The following ZC3H3 variants were observed in gnomAD, a reference collection of about 807,000 sequenced individuals.
The protein encoded by ZC3H3 is zinc finger CCCH domain-containing protein 3.
In ZC3H3, 36 loss-of-function variants were observed where a neutral mutation model predicts 77.3. The observed-to-expected ratio is 0.47, with a 90% CI of 0.36 to 0.61. ZC3H3 has a LOEUF of 0.61. Among genes scored for constraint, ZC3H3 ranks in the 20% least tolerant of loss-of-function variants. The pLI, the probability that ZC3H3 is intolerant of heterozygous loss-of-function variation, is 0.00. For missense variants in ZC3H3, 1,331 were observed against 1,312.2 expected (o/e 1.01, Z -0.22); for synonymous variants, 626 against 555.2 (o/e 1.13, Z -1.79).
intron 4 of ZC3H3, among the ~76,000 whole-genome samples, chr8:143,485,888 G>A (rs745582717): frequency 9.2e-5 from 14 of 152,250 alleles, no homozygotes; most frequent in Non-Finnish European, 1.6e-4. Flanking sequence ...CGGGATGGGC[G>A]TGAGGCCCCA....
intron 4 of ZC3H3, among the ~76,000 whole-genome samples, chr8:143,479,584 C>T (rs1264674442): frequency 2.6e-5 from 4 of 152,196 alleles, no homozygotes; most frequent in African/African-American, 4.8e-5. Context: ...GGAACAGTGC[C>T]TTAAGATAGT....
At chr8:143,447,395 A>G (rs189656426) in intron 9 of ZC3H3, among the ~76,000 whole-genome samples, 1 of 152,374 alleles carries the variant, frequency 6.6e-6, no homozygotes, top group East Asian at 1.9e-4. Context: ...GCTCCTCTGC[A>G]TTCCAAAATC....
chr8:143,454,137 A>C (rs1486633797), intron 9 of ZC3H3, among the ~76,000 whole-genome samples: 2 of 149,432 alleles, frequency 1.3e-5, no homozygotes, highest in Non-Finnish European at 3.0e-5. Context: ...GCTGGAGTGC[A>C]GTGGTGTGAT....
intron 3 of ZC3H3, among the ~76,000 whole-genome samples, chr8:143,517,828 G>A (rs891108590): frequency 3.3e-5 from 5 of 152,146 alleles, no homozygotes; most frequent in South Asian, 2.1e-4. Context: ...CTCCCTCCCC[G>A]AATCTCCAGG....
intron 5 of ZC3H3, among the ~76,000 whole-genome samples, chr8:143,472,637 G>A (rs1028370487): frequency 6.6e-6 from 1 of 152,208 alleles, no homozygotes; most frequent in African/African-American, 2.4e-5. Context: ...GGACACTGAG[G>A]GATGGGAGAG....
chr8:143,496,390 G>C (rs1347106102), intron 4 of ZC3H3, among the ~76,000 whole-genome samples: 1 of 152,232 alleles, frequency 6.6e-6, no homozygotes, highest in Non-Finnish European at 1.5e-5. Flanking sequence ...TGAGCCTGGA[G>C]CACCTGCCGT....
At chr8:143,531,206 G>A (rs570383661) in intron 3 of ZC3H3, among the ~76,000 whole-genome samples, 17 of 152,052 alleles carry the variant, frequency 1.1e-4, no homozygotes, top group Admixed American at 3.9e-4. Flanking sequence ...GTAATCACCC[G>A]CCTCAGCCTC....
At chr8:143,477,761 C>T (rs1263314802) in intron 4 of ZC3H3, among the ~76,000 whole-genome samples, 3 of 152,218 alleles carry the variant, frequency 2.0e-5, no homozygotes, top group Non-Finnish European at 4.4e-5. Flanking sequence ...GGGCCCTGCA[C>T]CAGCCCCACA....
At chr8:143,526,537 G>A (rs373191783) in intron 3 of ZC3H3, among the ~76,000 whole-genome samples, 44 of 152,300 alleles carry the variant, frequency 2.9e-4, no homozygotes, top group African/African-American at 1.0e-3. Context: ...GTTCCCAGAC[G>A]ATGCCCAAGT....
intron 4 of ZC3H3, among the ~76,000 whole-genome samples, chr8:143,485,422 T>C (rs1051248431): frequency 1.3e-5 from 2 of 152,246 alleles, no homozygotes; most frequent in African/African-American, 2.4e-5. Context: ...CCCATACATC[T>C]GCTCACCCGA....
At chr8:143,500,818 A>ACT (rs112313717) in intron 4 of ZC3H3, among the ~76,000 whole-genome samples, 1 of 141,106 alleles carries the variant, frequency 7.1e-6, no homozygotes, top group Non-Finnish European at 1.5e-5. Flanking sequence ...CACAATGTCT[A>ACT]TTTTTTTTTT....
In ZC3H3 at chr8:143,539,076, C is replaced by A; in HGVS notation, c.291G>T (p.Gly97=). The A allele has an allele frequency of 1.9e-6, 3 of 1,612,982 alleles. No individual in the cohort carries two copies. In the South Asian group the frequency reaches 3.3e-5, roughly 18 times the overall value. ...PADHAVRPLH[G]ARGGQPPVPQ... is the part of the protein sequence containing the mutation. ...GGACAGGAGGCTGGCCCCCCCGGGC[C>A]CCGTGCAACGGCCGCACAGCATGGT... Residue 97 remains glycine, a synonymous_variant, in exon 2 of 12, where the codon GGG becomes GGT. Transcript: ENST00000262577.
rs943919857 is a variant in ZC3H3 at position 143,486,810 on chromosome 8, C to T, written c.1716-11225G>A. Among the ~76,000 whole-genome samples the T allele has an allele frequency of 2.0e-3, 290 of 142,322 alleles. 1 individual carries two copies. Among genetic ancestry groups the T allele is most frequent in the Admixed American group, 0.02 (268 of 13,680 alleles). 93.4% of individuals were successfully genotyped at this position (142,322 alleles called of 152,430 possible). A position where few individuals can be genotyped will look rare whatever the true frequency, so the allele number is the denominator to read the frequency against. On this transcript the variant is annotated intron_variant, in intron 4 of 11. Coordinates refer to ENST00000262577, the MANE Select transcript of ZC3H3 (RefSeq NM_015117.3). Reference sequence around the variant, plus strand: ...CAGCACCCGCTACACGACCCCATCACCACGAAGCTCAGACACAGAACAGCA... The same window carrying T: ...CAGCACCCGCTACACGACCCCATCATCACGAAGCTCAGACACAGAACAGCA...
intron 4 of ZC3H3, among the ~76,000 whole-genome samples, chr8:143,498,304 G>A (rs973512377): frequency 7.9e-5 from 12 of 152,196 alleles, no homozygotes; most frequent in African/African-American, 2.4e-4. Flanking sequence ...GTCAGGCCGC[G>A]TTCTCCCAGA....
chr8:143,474,110 C>T (rs1442666314), intron 5 of ZC3H3, among the ~76,000 whole-genome samples: 2 of 152,194 alleles, frequency 1.3e-5, no homozygotes, highest in African/African-American at 4.8e-5. Context: ...CTGCACTGAG[C>T]ACCCGGGGTG....
intron 3 of ZC3H3, among the ~76,000 whole-genome samples, chr8:143,524,955 G>A (rs973032110): frequency 1.2e-4 from 15 of 128,696 alleles, no homozygotes; most frequent in East Asian, 2.5e-4. Context: ...GCTGATCTCC[G>A]AGACCAGGGC....
At chr8:143,446,856 GAA>G (rs1819873869) in intron 9 of ZC3H3, among the ~76,000 whole-genome samples, 12 of 152,244 alleles carry the variant, frequency 7.9e-5, no homozygotes, top group Admixed American at 7.8e-4. Context: ...CGCAACCGGA[GAA>G]CTGTCTTCAG....
intron 4 of ZC3H3, among the ~76,000 whole-genome samples, chr8:143,481,062 G>A (rs926971264): frequency 4.6e-5 from 7 of 152,326 alleles, no homozygotes; most frequent in African/African-American, 1.7e-4. Context: ...GACACATGCT[G>A]CCCAGGACAC....
chr8:143,481,189 G>A (rs901220150), intron 4 of ZC3H3, among the ~76,000 whole-genome samples: 1 of 152,148 alleles, frequency 6.6e-6, no homozygotes, highest in Non-Finnish European at 1.5e-5. Flanking sequence ...GGGCCTCTCC[G>A]GAGCACCTCC....
Sources: gnomAD v4.1 joint callset for allele counts (sites outside exome capture counted in the v4.1 genomes callset) on GRCh38, gnomAD v4.1.1 for gene constraint, MANE v1.5 for transcripts, NCBI Gene and HGNC (gene_info 2026-07-23, HGNC 2026-07-21) for gene names.